Variants in LOC400499 observed in about 807,000 individuals in gnomAD.
chr16:11,407,333 T>C, the LOC400499 span: 148 of 384,664 alleles, frequency 3.8e-4, no homozygotes, highest in African/African-American at 2.9e-3. Context: ...CTTGGAGTAG[T>C]GTAGCTGGGT....
the LOC400499 span, chr16:11,393,560 C>T: frequency 2.4e-6 from 3 of 1,232,398 alleles, no homozygotes; most frequent in Non-Finnish European, 3.0e-6. Flanking sequence ...AGCCACGAAG[C>T]TGGGAGGGGG....
chr16:11,416,275 A>G, the LOC400499 span, among the ~76,000 whole-genome samples: 10 of 152,144 alleles, frequency 6.6e-5, no homozygotes, highest in Non-Finnish European at 1.3e-4. Context: ...TTTGAGGCCA[A>G]CAGAAGGACT....
At chr16:11,376,983 A>G in the LOC400499 span, among the ~76,000 whole-genome samples, 15 of 145,556 alleles carry the variant, frequency 1.0e-4, no homozygotes, top group Middle Eastern at 3.6e-3. Flanking sequence ...TGTGTTGCCC[A>G]GGCTGGAGTA....
At chr16:11,441,116 T>C in the LOC400499 span, 1 of 398,920 alleles carries the variant, frequency 2.5e-6, no homozygotes, top group Non-Finnish European at 4.4e-6. Context: ...AGAGGTCTCA[T>C]CCCATCTCTA....
chr16:11,372,804 C>A, the LOC400499 span: 46 of 754,586 alleles, frequency 6.1e-5, no homozygotes, highest in African/African-American at 8.0e-4. Context: ...CCTGCTGTTT[C>A]CTGAAATAAA....
At chr16:11,423,793 C>T in the LOC400499 span, among the ~76,000 whole-genome samples, 2 of 152,188 alleles carry the variant, frequency 1.3e-5, no homozygotes, top group Admixed American at 6.5e-5. Context: ...AGGGCCTCTA[C>T]CATCTTCATT....
the LOC400499 span, among the ~76,000 whole-genome samples, chr16:11,463,587 GGT>G: frequency 6.6e-6 from 1 of 152,046 alleles, no homozygotes; most frequent in Non-Finnish European, 1.5e-5. Context: ...TGTGTAAAGA[GGT>G]GTATATATAT....
the LOC400499 span, among the ~76,000 whole-genome samples, chr16:11,497,486 C>A: frequency 6.6e-6 from 1 of 152,228 alleles, no homozygotes; most frequent in Non-Finnish European, 1.5e-5. Context: ...CCGCCTCTGA[C>A]TGCTTTGCCC....
the LOC400499 span, among the ~76,000 whole-genome samples, chr16:11,452,805 C>T: frequency 6.6e-6 from 1 of 152,254 alleles, no homozygotes; most frequent in Non-Finnish European, 1.5e-5. Flanking sequence ...GTGTGAGACA[C>T]TGGGCAACTG....
chr16:11,523,859 C>T, the LOC400499 span, among the ~76,000 whole-genome samples: 2 of 151,566 alleles, frequency 1.3e-5, no homozygotes, highest in African/African-American at 2.4e-5. Context: ...TCCCATCCAT[C>T]CACCCACCTG....
chr16:11,436,873 C>A, the LOC400499 span, among the ~76,000 whole-genome samples: 1 of 152,008 alleles, frequency 6.6e-6, no homozygotes, highest in Admixed American at 6.6e-5. Context: ...GGATTACAGG[C>A]GTGAGCTACC....
the LOC400499 span, among the ~76,000 whole-genome samples, chr16:11,494,350 G>A: frequency 6.8e-6 from 1 of 147,924 alleles, no homozygotes; most frequent in Non-Finnish European, 1.5e-5. Flanking sequence ...AGTGGTGTTG[G>A]GGGGCAGTGG....
chr16:11,490,457 T>C, the LOC400499 span, among the ~76,000 whole-genome samples: 4 of 150,644 alleles, frequency 2.7e-5, no homozygotes, highest in Non-Finnish European at 5.9e-5. Context: ...CCCAGCACTT[T>C]GGGAGGCTGA....
At chr16:11,381,474 G>T in the LOC400499 span, among the ~76,000 whole-genome samples, 1 of 152,148 alleles carries the variant, frequency 6.6e-6, no homozygotes, top group Admixed American at 6.5e-5. Context: ...CTGATAGATG[G>T]TTTGTAAACA....
chr16:11,478,904 A>G, the LOC400499 span, among the ~76,000 whole-genome samples: 4 of 152,180 alleles, frequency 2.6e-5, no homozygotes, highest in African/African-American at 4.8e-5. Flanking sequence ...GGTTTTAAAA[A>G]TGGGGGTTTC....
chr16:11,401,300 A>G, the LOC400499 span: 1 of 399,098 alleles, frequency 2.5e-6, no homozygotes, highest in South Asian at 1.3e-4. Flanking sequence ...GCTCTCAGCA[A>G]GGCCACTGGC....
At chr16:11,421,530 T>C in the LOC400499 span, among the ~76,000 whole-genome samples, 1 of 152,132 alleles carries the variant, frequency 6.6e-6, no homozygotes, top group Non-Finnish European at 1.5e-5. Context: ...GCCTCCCAAG[T>C]AGCTGGGATT....
the LOC400499 span, chr16:11,446,527 G>C: frequency 1.3e-6 from 2 of 1,534,422 alleles, no homozygotes; most frequent in African/African-American, 1.4e-5. Context: ...GGGTGCAAAA[G>C]TCTCTGGGGT....
chr16:11,500,560 T>C, the LOC400499 span, among the ~76,000 whole-genome samples: 3 of 128,748 alleles, frequency 2.3e-5, no homozygotes, highest in Non-Finnish European at 5.3e-5. Context: ...CTCAGGAAGG[T>C]TAAATCACTT....
Sources: gnomAD v4.1 joint callset for allele counts (sites outside exome capture counted in the v4.1 genomes callset) on GRCh38, gnomAD v4.1.1 for gene constraint, MANE v1.5 for transcripts.